The following SMC6 variants were observed in gnomAD, a reference collection of about 807,000 sequenced individuals.
SMC6 encodes the protein structural maintenance of chromosomes protein 6.
Under a neutral mutation model 142.2 loss-of-function variants are expected in SMC6, and 79 were observed. The observed-to-expected ratio is 0.56, with a 90% CI of 0.46 to 0.67. SMC6 has a LOEUF of 0.67. Among genes scored for constraint, SMC6 ranks in the 30% least tolerant of loss-of-function variants. The pLI is 0.00. For missense variants in SMC6, 1,072 were observed against 1,284.0 expected (o/e 0.83, Z 2.52); for synonymous variants, 411 against 412.4 (o/e 1.00, Z 0.04).
At chr2:17,672,878 A>C (rs868427118) in intron 25 of SMC6, among the ~76,000 whole-genome samples, 10 of 152,204 alleles carry the variant, frequency 6.6e-5, no homozygotes, top group African/African-American at 2.4e-4. Context: ...GGCTATGATA[A>C]ATAAAACTTC....
chr2:17,721,100 A>C, intron 10 of SMC6, 42 bp downstream of exon 10: 3 of 1,611,594 alleles, frequency 1.9e-6, no homozygotes, highest in Non-Finnish European at 2.5e-6. Flanking sequence ...TACATTCTGC[A>C]TATCACATAG....
At chr2:17,735,392 C>T (rs1241428017) in intron 5 of SMC6, among the ~76,000 whole-genome samples, 1 of 152,182 alleles carries the variant, frequency 6.6e-6, no homozygotes, top group Non-Finnish European at 1.5e-5. Flanking sequence ...TCAATGAGAA[C>T]AAGGAATAAG....
chr2:17,675,710 T>A (rs960499368), intron 25 of SMC6, among the ~76,000 whole-genome samples: 1 of 152,148 alleles, frequency 6.6e-6, no homozygotes, highest in African/African-American at 2.4e-5. Context: ...TGTTAAAAAC[T>A]CTGCCTTTGG....
At chr2:17,742,318 T>C (rs777534588) in intron 3 of SMC6, among the ~76,000 whole-genome samples, 1 of 152,216 alleles carries the variant, frequency 6.6e-6, no homozygotes, top group Admixed American at 6.5e-5. Context: ...TACATGTTCT[T>C]AAAAAGTAAA....
intron 21 of SMC6, 68 bp from the exon 22 acceptor site, chr2:17,696,494 A>C (rs377067382): frequency 1.1e-4 from 168 of 1,469,206 alleles, no homozygotes; most frequent in East Asian, 1.4e-4. Flanking sequence ...AAAGATAATA[A>C]ACAACTCGGT....
At chr2:17,751,101 A>G (rs1671006594) in intron 2 of SMC6, among the ~76,000 whole-genome samples, 1 of 151,112 alleles carries the variant, frequency 6.6e-6, no homozygotes, top group South Asian at 2.1e-4. Flanking sequence ...TTTGTGTTTC[A>G]TCTTCACACT....
chr2:17,744,711 G>GT (rs1401755821), intron 3 of SMC6, among the ~76,000 whole-genome samples: 7 of 152,136 alleles, frequency 4.6e-5, no homozygotes, highest in Non-Finnish European at 5.9e-5. Flanking sequence ...TTAGCTGTCA[G>GT]TTTTTTTGTG....
At chr2:17,670,705 G>A in intron 25 of SMC6, 130 bp from the exon 26 acceptor site, 4 of 903,444 alleles carry the variant, frequency 4.4e-6, no homozygotes, top group Non-Finnish European at 3.1e-6. Flanking sequence ...TTAGTGATTT[G>A]GAAATACCCA....
Position 17,696,436 on chromosome 2 carries a change from C to A in SMC6, c.2395-10G>T. ...CAAGGTTTAATTCATCCTGTTTGAA[C>A]AAAGCCAGAATAAAAGATTGTTTTA... On this transcript the variant is annotated splice_polypyrimidine_tract_variant and intron_variant, in intron 21 of 27. Coordinates refer to ENST00000448223, the MANE Select transcript of SMC6 (RefSeq NM_001142286.2). 6.3e-7 allele frequency: 1 copy of A among 1,594,496 alleles called. No homozygotes were observed. The highest frequency in any genetic ancestry group is 8.5e-7 in the Non-Finnish European group (1 of 1,174,938).
At position 17,705,219 on chromosome 2, in the gene SMC6, C is replaced by T. The variant is rs190542116; in HGVS notation, c.2007-1927G>A. ...GTTGCAGTGAGCCAAGATTGCACCACTGCACTCCAGCCTGATCGACAGAGT... is the reference window on the plus strand; with the variant it reads ...GTTGCAGTGAGCCAAGATTGCACCATTGCACTCCAGCCTGATCGACAGAGT... On this transcript the variant is annotated intron_variant, in intron 18 of 27. Transcript: ENST00000448223. Among the ~76,000 whole-genome samples, 466 of 152,142 alleles carry T rather than the reference C, an allele frequency of 3.1e-3. 3 individuals carry two copies. Among genetic ancestry groups the T allele is most frequent in the African/African-American group, 0.011 (455 of 41,492 alleles).
chr2:17,698,446 G>A (rs1214429070), intron 21 of SMC6, among the ~76,000 whole-genome samples: 2 of 151,782 alleles, frequency 1.3e-5, no homozygotes, highest in Non-Finnish European at 1.5e-5. Flanking sequence ...ATGTATTTTT[G>A]GTGGACTGAA....
At chr2:17,716,308 T>C in intron 14 of SMC6, 44 bp from the exon 15 acceptor site, 2 of 1,566,080 alleles carry the variant, frequency 1.3e-6, no homozygotes, top group Non-Finnish European at 1.7e-6. Flanking sequence ...TGTGATAGTT[T>C]TACAGAAACA....
At chr2:17,674,002 A>T (rs1341678661) in intron 25 of SMC6, among the ~76,000 whole-genome samples, 1 of 152,160 alleles carries the variant, frequency 6.6e-6, no homozygotes, top group Non-Finnish European at 1.5e-5. Flanking sequence ...CACACAGGTA[A>T]GGTCCTCCTC....
At position 17,716,797 on chromosome 2, in the gene SMC6, C is replaced by G. The variant is rs1372259940; in HGVS notation, c.1290G>C (p.Glu430Asp). 6.2e-7 allele frequency: 1 copy of G among 1,613,450 alleles called. No homozygotes were observed. Among genetic ancestry groups the G allele is most frequent in the Non-Finnish European group, 8.5e-7 (1 of 1,179,798 alleles). ...FQNQENSVNQ[E>D]IEQFQQAIEK... ...CTATGGCTTGCTGAAACTGTTCGATCTCTTGATTGACTGAATTTTCTTGAT... is the reference window on the plus strand; with the variant it reads ...CTATGGCTTGCTGAAACTGTTCGATGTCTTGATTGACTGAATTTTCTTGAT... The change falls in exon 14 of 28, where the codon GAG becomes GAC. Residue 430 changes from glutamate (E) to aspartate (D), a missense_variant. Coordinates refer to ENST00000448223, the MANE Select transcript of SMC6 (RefSeq NM_001142286.2).
chr2:17,716,770 T>C lies in SMC6; in HGVS notation c.1317A>G (p.Glu439=). The change falls in exon 14 of 28, where the codon GAA becomes GAG. Residue 439 remains glutamate, a synonymous_variant. Transcript: ENST00000448223. ...TTTTGCCATGTTCTTCTTTGTCCTTTTCTATGGCTTGCTGAAACTGTTCGA... is the reference window on the plus strand; with the variant it reads ...TTTTGCCATGTTCTTCTTTGTCCTTCTCTATGGCTTGCTGAAACTGTTCGA... The part of the protein sequence containing the change: ...QEIEQFQQAI[E]KDKEEHGKIK... 2 of 1,612,050 alleles carry C rather than the reference T, an allele frequency of 1.2e-6. No individual in the cohort carries two copies. The highest frequency in any genetic ancestry group is 1.1e-5 in the South Asian group (1 of 90,344).
At chr2:17,706,710 T>C (rs1668528296) in intron 18 of SMC6, among the ~76,000 whole-genome samples, 1 of 152,154 alleles carries the variant, frequency 6.6e-6, no homozygotes, top group Admixed American at 6.6e-5. Flanking sequence ...CTTAATAGTT[T>C]TTCGTTTAAC....
rs965928346 is a variant in SMC6, at chr2:17,707,386, G to T, written c.1846-7C>A. ...CACGAGCTACAGAATTATTCTAAAA[G>T]AATAGAAGAAAATAAATTTTTTAAG... On this transcript the variant is annotated splice_region_variant and splice_polypyrimidine_tract_variant and intron_variant, in intron 17 of 27. Transcript: ENST00000448223. The T allele has an allele frequency of 3.5e-6, 5 of 1,444,830 alleles. No individual in the cohort carries two copies. The highest frequency in any genetic ancestry group is 4.6e-6 in the Non-Finnish European group (5 of 1,094,892). 89.5% of individuals were successfully genotyped at this position (1,444,830 alleles called of 1,614,324 possible).
intron 12 of SMC6, among the ~76,000 whole-genome samples, 174 bp from the exon 13 acceptor site, chr2:17,717,350 T>G (rs1296515379): frequency 6.6e-6 from 1 of 152,204 alleles, no homozygotes; most frequent in Non-Finnish European, 1.5e-5. Context: ...GCATCACTAA[T>G]TTCAACTCAG....
intron 15 of SMC6, among the ~76,000 whole-genome samples, chr2:17,715,818 T>C (rs1669056730): frequency 6.6e-6 from 1 of 152,178 alleles, no homozygotes; most frequent in African/African-American, 2.4e-5. Flanking sequence ...TAATCAATTA[T>C]ATTACATTAG....
Sources: gnomAD v4.1 joint callset for allele counts (sites outside exome capture counted in the v4.1 genomes callset) on GRCh38, gnomAD v4.1.1 for gene constraint, MANE v1.5 for transcripts, NCBI Gene and HGNC (gene_info 2026-07-23, HGNC 2026-07-21) for gene names.